ZNF362: variants seen among roughly 807,000 people sequenced by gnomAD.
The protein encoded by ZNF362 is rotund homolog.
A neutral mutation model predicts 42.9 loss-of-function variants in ZNF362; 11 were observed. That is an observed-to-expected ratio of 0.26 (90% CI 0.16 to 0.42). The LOEUF (loss-of-function observed/expected upper bound fraction) is 0.42, where lower values mean the gene tolerates loss of function less well. Ranked by LOEUF, ZNF362 falls within the 20% of genes least tolerant of loss-of-function variation. ZNF362 has a pLI of 1.00. For missense variants in ZNF362, 362 were observed against 576.2 expected, an observed-to-expected ratio of 0.63 and a Z score of 3.81; for synonymous variants, 255 against 257.3, an observed-to-expected ratio of 0.99 and a Z score of 0.09.
At chr1:33,291,797 A>G (rs1646080219) in intron 6 of ZNF362, among the ~76,000 whole-genome samples, 1 of 152,140 alleles carries the variant, frequency 6.6e-6, no homozygotes, top group Non-Finnish European at 1.5e-5. Flanking sequence ...ATCCCTTGTA[A>G]GTTGAATTCC....
the ZNF362 span, among the ~76,000 whole-genome samples, chr1:33,193,869 G>C: frequency 6.6e-6 from 1 of 152,138 alleles, no homozygotes; most frequent in Non-Finnish European, 1.5e-5. Context: ...AGGCAGTAAC[G>C]GTACTAACAG....
At chr1:33,147,779 C>G in the ZNF362 span, 2 of 1,569,654 alleles carry the variant, frequency 1.3e-6, no homozygotes, top group Non-Finnish European at 1.7e-6. The surrounding 1 kb of genome is among the most constrained non-coding windows in gnomAD (Gnocchi z 8.1). Flanking sequence ...GGCTGTGGAC[C>G]CACCATGCAG....
the ZNF362 span, among the ~76,000 whole-genome samples, chr1:33,236,275 G>A: frequency 6.6e-6 from 1 of 151,704 alleles, no homozygotes. Flanking sequence ...GGTTGCAGTG[G>A]CTAATGCCTG....
chr1:33,177,092 T>C, the ZNF362 span, among the ~76,000 whole-genome samples: 1 of 148,872 alleles, frequency 6.7e-6, no homozygotes, highest in African/African-American at 2.5e-5. The surrounding 1 kb of genome is among the most constrained non-coding windows in gnomAD (Gnocchi z 4.1). Flanking sequence ...CATGCACAAA[T>C]GCACACACAT....
chr1:33,208,886 C>A, the ZNF362 span, among the ~76,000 whole-genome samples: 2 of 152,170 alleles, frequency 1.3e-5, no homozygotes, highest in African/African-American at 4.8e-5. Context: ...AATTTGATTT[C>A]CTTTTTTCCT....
intron 1 of ZNF362, among the ~76,000 whole-genome samples, chr1:33,258,769 A>C (rs976168732): frequency 6.6e-6 from 1 of 152,068 alleles, no homozygotes; most frequent in Non-Finnish European, 1.5e-5. Flanking sequence ...ATTGAACTTC[A>C]CAGTTTTCAC....
intron 1 of ZNF362, among the ~76,000 whole-genome samples, chr1:33,263,419 T>G (rs1318951058): frequency 6.6e-6 from 1 of 152,102 alleles, no homozygotes; most frequent in Admixed American, 6.5e-5. Flanking sequence ...GATGATTTTT[T>G]TTTTTTTTTG....
the ZNF362 span, among the ~76,000 whole-genome samples, chr1:33,129,076 G>A: frequency 1.3e-5 from 2 of 152,158 alleles, no homozygotes; most frequent in African/African-American, 4.8e-5. This position sits in a 1 kb window ranked among gnomAD's most constrained non-coding sequence, Gnocchi z 4.1. Flanking sequence ...CCAGACCAGG[G>A]CACTGGCGTG....
chr1:33,183,507 A>AC, the ZNF362 span, among the ~76,000 whole-genome samples: 2 of 152,082 alleles, frequency 1.3e-5, no homozygotes, highest in Admixed American at 6.5e-5. Flanking sequence ...AGGAAGGCTG[A>AC]CCCCAGCCCA....
chr1:33,151,963 G>C, the ZNF362 span, among the ~76,000 whole-genome samples: 10 of 152,350 alleles, frequency 6.6e-5, no homozygotes, highest in Non-Finnish European at 1.0e-4. Context: ...AACATGAAAG[G>C]CTGGCTGTAA....
the ZNF362 span, among the ~76,000 whole-genome samples, chr1:33,198,935 AG>A: frequency 6.6e-6 from 1 of 152,228 alleles, no homozygotes; most frequent in Non-Finnish European, 1.5e-5. Context: ...ACACTGCAGA[AG>A]AACAGATTTG....
the ZNF362 span, among the ~76,000 whole-genome samples, chr1:33,183,244 G>A: frequency 6.6e-6 from 1 of 152,142 alleles, no homozygotes; most frequent in Non-Finnish European, 1.5e-5. Flanking sequence ...GAGCCATAGA[G>A]GGTGGCTACC....
the ZNF362 span, among the ~76,000 whole-genome samples, chr1:33,219,020 T>C: frequency 6.6e-6 from 1 of 150,876 alleles, no homozygotes; most frequent in Non-Finnish European, 1.5e-5. Context: ...ACTTCCTTCC[T>C]TTCTCAGGAA....
the ZNF362 span, among the ~76,000 whole-genome samples, chr1:33,202,324 T>C: frequency 2.0e-5 from 3 of 152,070 alleles, no homozygotes. Context: ...AGGCCGGGCG[T>C]GGTGGCTCAC....
At chr1:33,142,169 C>A in the ZNF362 span, 1 of 152,408 alleles carries the variant, frequency 6.6e-6, no homozygotes, top group Admixed American at 6.5e-5. Flanking sequence ...GATACCGGGC[C>A]TTTGCAACTG....
chr1:33,196,889 TG>T, the ZNF362 span, among the ~76,000 whole-genome samples: 1 of 152,206 alleles, frequency 6.6e-6, no homozygotes, highest in African/African-American at 2.4e-5. Flanking sequence ...CCTAGATGGC[TG>T]GCAAAGTACT....
the ZNF362 span, among the ~76,000 whole-genome samples, chr1:33,150,612 C>T: frequency 9.8e-5 from 15 of 152,298 alleles, no homozygotes; most frequent in East Asian, 1.4e-3. Context: ...CAAGAGAGGA[C>T]GGCCACTGAG....
chr1:33,226,879 A>G, the ZNF362 span, among the ~76,000 whole-genome samples: 1 of 152,200 alleles, frequency 6.6e-6, no homozygotes, highest in Non-Finnish European at 1.5e-5. Flanking sequence ...ACAAAAAGCA[A>G]AACAAAACAA....
At chr1:33,239,953 C>G in the ZNF362 span, among the ~76,000 whole-genome samples, 2 of 152,096 alleles carry the variant, frequency 1.3e-5, no homozygotes, top group African/African-American at 4.8e-5. Context: ...ATCTATGTAT[C>G]CATACTGACA....
Sources: gnomAD v4.1 joint callset for allele counts (sites outside exome capture counted in the v4.1 genomes callset) on GRCh38, gnomAD v4.1.1 for gene constraint, Gnocchi (gnomAD v3.1) non-coding constraint, MANE v1.5 for transcripts, NCBI Gene and HGNC (gene_info 2026-07-23, HGNC 2026-07-21) for gene names.